The following SMIM7 variants were observed in gnomAD, a reference collection of about 807,000 sequenced individuals.
SMIM7 encodes the protein small integral membrane protein 7, also known as UPF0608 protein C19orf42.
In SMIM7, 12 loss-of-function variants were observed where a neutral mutation model predicts 13.3. The observed-to-expected ratio is 0.90, with a 90% CI of 0.58 to 1.46. The LOEUF (loss-of-function observed/expected upper bound fraction) is 1.46, where lower values mean the gene tolerates loss of function less well. Among genes scored for constraint, SMIM7 ranks in the 40% most tolerant of loss-of-function variants. SMIM7 has a pLI of 0.00. For missense variants in SMIM7, 114 were observed against 94.8 expected (o/e 1.20, Z -0.84); for synonymous variants, 36 against 35.8 (o/e 1.01, Z -0.02).
At chr19:16,653,901 A>C in intron 4 of SMIM7, 134 bp downstream of exon 4, 1 of 755,140 alleles carries the variant, frequency 1.3e-6, no homozygotes, top group Non-Finnish European at 2.1e-6. Flanking sequence ...TCTCAAACAA[A>C]ACAAAAAATA....
intron 4 of SMIM7, among the ~76,000 whole-genome samples, chr19:16,637,893 A>G (rs1176421231): frequency 6.6e-6 from 1 of 152,188 alleles, no homozygotes; most frequent in Non-Finnish European, 1.5e-5. Context: ...TCCAACAGGG[A>G]CTGTATTTGG....
At chr19:16,655,051 CCCAACT>C (rs2086578658) in intron 3 of SMIM7, among the ~76,000 whole-genome samples, 1 of 152,114 alleles carries the variant, frequency 6.6e-6, no homozygotes, top group Non-Finnish European at 1.5e-5. Flanking sequence ...TAACCCTAAC[CCCAACT>C]CCAACCCCAA....
At chr19:16,647,577 T>C (rs901113265) in intron 4 of SMIM7, among the ~76,000 whole-genome samples, 6 of 150,522 alleles carry the variant, frequency 4.0e-5, no homozygotes, top group Non-Finnish European at 8.9e-5. Context: ...TGCCTCAACC[T>C]GCTGAGTAGC....
At chr19:16,648,819 C>T (rs981173504) in intron 4 of SMIM7, among the ~76,000 whole-genome samples, 1 of 151,778 alleles carries the variant, frequency 6.6e-6, no homozygotes, top group Admixed American at 6.6e-5. Context: ...CCAGCCTGGG[C>T]AACATAGCGA....
rs2086458457 is a variant in SMIM7, at chr19:16,647,109, T to C, written c.*137A>G. On this transcript the variant is annotated 3_prime_UTR_variant, in exon 5 of 5. Transcript: ENST00000487416. ...AACCATGCACACCTCGGCGAACACT[T>C]TTCCACCCACCACGAGCTTGGACTT... is the stretch of plus-strand genomic sequence containing the variant. The C allele has an allele frequency of 8.7e-7, 1 of 1,154,148 alleles. No homozygotes were observed. Among genetic ancestry groups the C allele is most frequent in the South Asian group, 1.3e-5 (1 of 76,890 alleles). 71.5% of individuals were successfully genotyped at this position (1,154,148 alleles called of 1,614,324 possible). A position where few individuals can be genotyped will look rare whatever the true frequency, so the allele number is the denominator to read the frequency against.
chr19:16,660,077 C>G lies in SMIM7; in HGVS notation c.26+8G>C, dbSNP rs774098375. 2.2e-5 allele frequency: 35 copies of G among 1,614,116 alleles called. No individual in the cohort carries two copies. Among genetic ancestry groups the G allele is most frequent in the Admixed American group, 3.3e-5 (2 of 60,008 alleles). On this transcript the variant is annotated splice_region_variant and intron_variant, in intron 1 of 4. Coordinates refer to ENST00000487416, the MANE Select transcript of SMIM7 (RefSeq NM_024104.4). ...TCTCTCTTCCCAGCCTCTGGTCCCCCTAATTACCCGAACAGCAGGATGTCT... is the reference window on the plus strand; with the variant it reads ...TCTCTCTTCCCAGCCTCTGGTCCCCGTAATTACCCGAACAGCAGGATGTCT...
At chr19:16,659,792 G>C (rs1403253212) in intron 2 of SMIM7, 167 bp downstream of exon 2, 5 of 855,704 alleles carry the variant, frequency 5.8e-6, no homozygotes, top group African/African-American at 1.7e-5. Flanking sequence ...TCTCTCGGGG[G>C]GTGGGGGGCG....
Position 16,648,564 on chromosome 19 carries a change from C to T in SMIM7, c.213-1303G>A, listed in dbSNP as rs544767466. Among the ~76,000 whole-genome samples the T allele has an allele frequency of 3.9e-5, 6 of 152,294 alleles. No individual in the cohort carries two copies. The South Asian group carries it at 1.2e-3, about 32-fold the overall frequency. On this transcript the variant is annotated intron_variant, in intron 4 of 4. Transcript: ENST00000487416. ...ATAATGGACTGATAACGAGAATACA[C>T]AAAGAACCCTTATGGATCAGCAATA...
rs533717747 is a variant in SMIM7 at position 16,648,355 on chromosome 19, G to A, written c.213-1094C>T. Among the ~76,000 whole-genome samples, 34 of 151,524 alleles carry A rather than the reference G, an allele frequency of 2.2e-4. No individual in the cohort carries two copies. The South Asian group carries it at 5.2e-3, about 23-fold the overall frequency. ...GGTGTTTCACCATGTTGGTCAGGCCGGTCTCAAACTCCTGACCTCAAGTGA... is the reference window on the plus strand; with the variant it reads ...GGTGTTTCACCATGTTGGTCAGGCCAGTCTCAAACTCCTGACCTCAAGTGA... On this transcript the variant is annotated intron_variant, in intron 4 of 4. Transcript: ENST00000487416.
Position 16,646,714 on chromosome 19 carries a change from C to T in SMIM7, c.*532G>A, listed in dbSNP as rs2086452798. 1 of 161,900 alleles carries T rather than the reference C, an allele frequency of 6.2e-6. No individual in the cohort carries two copies. Among genetic ancestry groups the T allele is most frequent in the Middle Eastern group, 5.2e-4 (1 of 1,936 alleles). The allele number at this position is 161,900 out of a possible 1,614,324, so 10.0% of individuals were successfully genotyped here. ...TCTTGCTAACAATTTAGTGTCTATA[C>T]AGGAAGGCTGGTGTCTCTGTTACAG... is the stretch of plus-strand genomic sequence containing the variant. On this transcript the variant is annotated 3_prime_UTR_variant, in exon 5 of 5. Coordinates refer to ENST00000487416, the MANE Select transcript of SMIM7 (RefSeq NM_024104.4).
intron 4 of SMIM7, among the ~76,000 whole-genome samples, chr19:16,650,727 G>A (rs900741530): frequency 1.5e-3 from 206 of 141,724 alleles, no homozygotes; most frequent in Admixed American, 2.6e-3. Context: ...AAAAAAAAAA[G>A]AAGAAATAGG....
At chr19:16,630,976 GGTTCGTCCTCAAT>G (rs938903006) in exon 5 of SMIM7, 41 of 152,250 alleles carry the variant, frequency 2.7e-4, no homozygotes, top group African/African-American at 9.9e-4. Context: ...TTGCTGTGAT[GGTTCGTCCTCAAT>G]GACAGGTCCC....
intron 3 of SMIM7, among the ~76,000 whole-genome samples, chr19:16,657,235 G>T (rs2122551566): frequency 6.6e-6 from 1 of 152,340 alleles, no homozygotes; most frequent in South Asian, 2.1e-4. Flanking sequence ...AGCAGGTGCA[G>T]CACCTGGGCT....
chr19:16,637,294 T>C (rs1400422136), intron 4 of SMIM7, among the ~76,000 whole-genome samples: 4 of 151,728 alleles, frequency 2.6e-5, no homozygotes, highest in Non-Finnish European at 5.9e-5. Context: ...GGCAGGAGGA[T>C]CACTTGAGCC....
At position 16,659,389 on chromosome 19, in the gene SMIM7, C is replaced by A; in HGVS notation, c.121+6G>T. On this transcript the variant is annotated splice_donor_region_variant and intron_variant, in intron 3 of 4. Coordinates refer to ENST00000487416, the MANE Select transcript of SMIM7 (RefSeq NM_024104.4). ...CATGCAATTCCAGGATCCAATTAGACCTTACCTGTGCTGGGCTCCCTGGAC... is the reference window on the plus strand; with the variant it reads ...CATGCAATTCCAGGATCCAATTAGAACTTACCTGTGCTGGGCTCCCTGGAC... 1 of 1,613,676 alleles carries A rather than the reference C, an allele frequency of 6.2e-7. No individual in the cohort carries two copies. The highest frequency in any genetic ancestry group is 8.5e-7 in the Non-Finnish European group (1 of 1,179,864).
At chr19:16,651,689 G>T (rs1040481302) in intron 4 of SMIM7, among the ~76,000 whole-genome samples, 1 of 152,082 alleles carries the variant, frequency 6.6e-6, no homozygotes, top group Non-Finnish European at 1.5e-5. Context: ...CAGGACCTTT[G>T]CAAAGATGAG....
chr19:16,636,904 G>T lies in SMIM7; in HGVS notation c.*138-5180C>A, dbSNP rs191093853. ...GGAGGTTTAGGCTGCAGTGAGCTAA[G>T]ATAGTGCCACTGCACTCCAGCTTCA... On this transcript the variant is annotated intron_variant and NMD_transcript_variant, in intron 4 of 4. Transcript: ENST00000465250. 2.0e-3 allele frequency among the ~76,000 whole-genome samples: 305 copies of T among 152,320 alleles called. 4 individuals are homozygous for T. The highest frequency in any genetic ancestry group is 6.7e-3 in the African/African-American group (280 of 41,572).
chr19:16,634,057 A>G (rs918428596), intron 4 of SMIM7: 1 of 152,224 alleles, frequency 6.6e-6, no homozygotes, highest in Non-Finnish European at 1.5e-5. Context: ...TGACTCCAGT[A>G]TGGCTAATCT....
intron 4 of SMIM7, among the ~76,000 whole-genome samples, chr19:16,637,714 C>T (rs2086369546): frequency 1.3e-5 from 2 of 152,190 alleles, no homozygotes; most frequent in Admixed American, 6.5e-5. Flanking sequence ...GTGCCTCCTA[C>T]ACCACACTAG....
Sources: gnomAD v4.1 joint callset for allele counts (sites outside exome capture counted in the v4.1 genomes callset) on GRCh38, gnomAD v4.1.1 for gene constraint, MANE v1.5 for transcripts, NCBI Gene and HGNC (gene_info 2026-07-23, HGNC 2026-07-21) for gene names.